PCCB: variants seen among roughly 807,000 people sequenced by gnomAD.
PCCB encodes propionyl-CoA carboxylase subunit beta.
Under a neutral mutation model 60.7 loss-of-function variants are expected in PCCB, and 43 were observed. The observed-to-expected ratio is 0.71, with a 90% CI of 0.55 to 0.91. The LOEUF (loss-of-function observed/expected upper bound fraction) is 0.91, where lower values mean the gene tolerates loss of function less well. PCCB is among the 40% of genes least tolerant of loss of function. The pLI is 0.00. For synonymous variants in PCCB, 276 were observed against 255.9 expected (o/e 1.08, Z -0.75); for missense variants, 766 against 702.8 (o/e 1.09, Z -1.02).
At chr3:136,317,756 G>A (rs1934961119) in intron 10 of PCCB, among the ~76,000 whole-genome samples, 1 of 152,126 alleles carries the variant, frequency 6.6e-6, no homozygotes, top group Non-Finnish European at 1.5e-5. Flanking sequence ...CTTCAACAGT[G>A]CCAGGCACAT....
intron 5 of PCCB, among the ~76,000 whole-genome samples, chr3:136,282,346 T>C (rs1335378475): frequency 6.6e-6 from 1 of 152,236 alleles, no homozygotes; most frequent in Admixed American, 6.5e-5. Context: ...GTTGTTTTGA[T>C]CTCAGATATT....
At chr3:136,318,244 T>C (rs1240243648) in intron 10 of PCCB, among the ~76,000 whole-genome samples, 1 of 152,096 alleles carries the variant, frequency 6.6e-6, no homozygotes, top group African/African-American at 2.4e-5. Flanking sequence ...CTTGGGAGGC[T>C]GAGGCAGGAG....
chr3:136,280,742 C>T (rs933789602), intron 5 of PCCB, among the ~76,000 whole-genome samples: 4 of 152,210 alleles, frequency 2.6e-5, no homozygotes, highest in Non-Finnish European at 5.9e-5. Flanking sequence ...CTCATTGCAG[C>T]ATTGACCTTA....
chr3:136,254,976 A>G (rs889621885), intron 1 of PCCB, among the ~76,000 whole-genome samples: 2 of 151,304 alleles, frequency 1.3e-5, no homozygotes, highest in Admixed American at 6.6e-5. Context: ...TCCTGGGTTC[A>G]AGCGATTCTT....
chr3:136,281,110 C>T (rs1307007570), intron 5 of PCCB, among the ~76,000 whole-genome samples: 4 of 151,666 alleles, frequency 2.6e-5, no homozygotes, highest in Non-Finnish European at 5.9e-5. Flanking sequence ...GTGTAGATCT[C>T]TTTGAGTTCA....
chr3:136,281,532 C>G (rs1166566181), intron 5 of PCCB, among the ~76,000 whole-genome samples: 1 of 151,912 alleles, frequency 6.6e-6, no homozygotes, highest in Non-Finnish European at 1.5e-5. Flanking sequence ...GTAGTTTTTT[C>G]CCCCCACAGC....
At position 136,256,639 on chromosome 3, in the gene PCCB, A is replaced by G; in HGVS notation, c.372+16A>G. On this transcript the variant is annotated intron_variant, in intron 3 of 14. Coordinates refer to ENST00000251654, the MANE Select transcript of PCCB (RefSeq NM_000532.5). The stretch of plus-strand genomic sequence containing the variant: ...CTTCAGTCAGGTATTTCATAACTCC[A>G]ATAGTCTGAACTTTTCTTGGAGGGC... 1 of 1,573,724 alleles carries G rather than the reference A, an allele frequency of 6.4e-7. No individual in the cohort carries two copies. Among genetic ancestry groups the G allele is most frequent in the Non-Finnish European group, 8.7e-7 (1 of 1,143,170 alleles).
chr3:136,314,014 T>C (rs753004660), intron 9 of PCCB, among the ~76,000 whole-genome samples: 37 of 150,286 alleles, frequency 2.5e-4, no homozygotes, highest in Non-Finnish European at 4.3e-4. Context: ...AGCTGGACTT[T>C]GGACGTTTTA....
chr3:136,264,722 A>C (rs1047008979), intron 5 of PCCB, among the ~76,000 whole-genome samples: 1 of 151,018 alleles, frequency 6.6e-6, no homozygotes, highest in Non-Finnish European at 1.5e-5. Flanking sequence ...AAAAAAACAA[A>C]AAATTAGCCA....
chr3:136,264,788 C>T (rs543574846), intron 5 of PCCB, among the ~76,000 whole-genome samples: 73 of 133,986 alleles, frequency 5.4e-4, no homozygotes, highest in Non-Finnish European at 3.7e-4. Context: ...GGCAGGAGAA[C>T]GGCATGAACC....
At chr3:136,290,169 T>C (rs1933608375) in intron 6 of PCCB, among the ~76,000 whole-genome samples, 1 of 152,240 alleles carries the variant, frequency 6.6e-6, no homozygotes, top group South Asian at 2.1e-4. Flanking sequence ...ATTTACCTTT[T>C]CTGTAAAGAA....
At chr3:136,316,814 T>G in intron 9 of PCCB, 127 bp from the exon 10 acceptor site, 1 of 1,073,230 alleles carries the variant, frequency 9.3e-7, no homozygotes. Context: ...TTGGAGAACC[T>G]GTGATAGAGC....
At chr3:136,295,767 G>C (rs968472104) in intron 7 of PCCB, among the ~76,000 whole-genome samples, 7 of 151,488 alleles carry the variant, frequency 4.6e-5, no homozygotes, top group Non-Finnish European at 1.0e-4. Flanking sequence ...GTCTTTTCAC[G>C]CACATGAGCG....
chr3:136,266,477 A>G (rs1941986506), intron 5 of PCCB, among the ~76,000 whole-genome samples: 1 of 152,012 alleles, frequency 6.6e-6, no homozygotes, highest in African/African-American at 2.4e-5. Flanking sequence ...GCTGGAGTAC[A>G]GTGGCATGAT....
chr3:136,308,841 A>G (rs746306806), intron 9 of PCCB, among the ~76,000 whole-genome samples: 30 of 152,212 alleles, frequency 2.0e-4, no homozygotes, highest in Non-Finnish European at 4.1e-4. Context: ...TGAAAGGGGA[A>G]AATAGAAACC....
At chr3:136,292,009 A>G (rs1933716460) in intron 6 of PCCB, among the ~76,000 whole-genome samples, 1 of 152,022 alleles carries the variant, frequency 6.6e-6, no homozygotes, top group South Asian at 2.1e-4. Context: ...TCTGGAGGAG[A>G]TTTGTGCTTG....
intron 7 of PCCB, among the ~76,000 whole-genome samples, chr3:136,295,834 G>A (rs1253511323): frequency 7.2e-6 from 1 of 138,844 alleles, no homozygotes; most frequent in Non-Finnish European, 1.6e-5. Context: ...TGTAACCTGA[G>A]TTTTTTTTTT....
At chr3:136,314,118 A>T (rs979495289) in intron 9 of PCCB, among the ~76,000 whole-genome samples, 1 of 152,192 alleles carries the variant, frequency 6.6e-6, no homozygotes, top group African/African-American at 2.4e-5. Context: ...AGAAACCAAG[A>T]TGAACCAGAA....
intron 6 of PCCB, among the ~76,000 whole-genome samples, chr3:136,292,377 A>G (rs1933734490): frequency 6.6e-6 from 1 of 152,216 alleles, no homozygotes. Context: ...AGACTGATAT[A>G]ATGCATATGA....
Sources: gnomAD v4.1 joint callset for allele counts (sites outside exome capture counted in the v4.1 genomes callset) on GRCh38, gnomAD v4.1.1 for gene constraint, MANE v1.5 for transcripts, NCBI Gene and HGNC (gene_info 2026-07-23, HGNC 2026-07-21) for gene names.